Variants in VAPB observed in about 807,000 individuals in gnomAD.
VAPB encodes VAMP associated protein B and C, also known as vesicle-associated membrane protein-associated protein B/C.
Under a neutral mutation model 25.6 loss-of-function variants are expected in VAPB, and 7 were observed. The ratio of observed to expected loss-of-function variants is 0.27; its 90% CI spans 0.16 to 0.51. The LOEUF is 0.51. VAPB is among the 20% of genes least tolerant of loss of function. The pLI is 0.97. For missense variants in VAPB, 266 were observed against 301.3 expected (o/e 0.88, Z 0.87); for synonymous variants, 112 against 109.2 (o/e 1.03, Z -0.16).
intron 5 of VAPB, among the ~76,000 whole-genome samples, chr20:58,441,749 C>T (rs1989167116): frequency 6.6e-6 from 1 of 152,174 alleles, no homozygotes; most frequent in South Asian, 2.1e-4. Context: ...CATTTTTAAA[C>T]CACTTGGGTG....
At chr20:58,427,625 A>G (rs1411223572) in intron 2 of VAPB, among the ~76,000 whole-genome samples, 78 of 151,902 alleles carry the variant, frequency 5.1e-4, no homozygotes, top group Admixed American at 6.6e-4. Context: ...GATGCAGGTG[A>G]AAGTGATCTG....
intron 3 of VAPB, among the ~76,000 whole-genome samples, chr20:58,436,862 A>G (rs1989058173): frequency 6.6e-6 from 1 of 152,138 alleles, no homozygotes; most frequent in Non-Finnish European, 1.5e-5. Context: ...GATACTATTA[A>G]TCATAGCTGA....
At chr20:58,436,251 T>C (rs1338392537) in intron 3 of VAPB, among the ~76,000 whole-genome samples, 1 of 151,878 alleles carries the variant, frequency 6.6e-6, no homozygotes, top group East Asian at 1.9e-4. Flanking sequence ...ATGAAAAAAA[T>C]TTAAAGTGAC....
chr20:58,435,946 G>A (rs541048725), intron 3 of VAPB, among the ~76,000 whole-genome samples: 6 of 152,232 alleles, frequency 3.9e-5, no homozygotes, highest in African/African-American at 1.2e-4. Context: ...GGGTGTTTTC[G>A]AGCTGAGTTC....
In VAPB at chr20:58,447,248, G is replaced by T. The variant is rs1397558115; in HGVS notation, c.*3013G>T. On this transcript the variant is annotated 3_prime_UTR_variant, in exon 6 of 6. Coordinates refer to ENST00000475243, the MANE Select transcript of VAPB (RefSeq NM_004738.5). ...TAAATTGGTAACTTAAGCTTCCTTG[G>T]CACGATACAAAATACCTCTTAAAGA... is the stretch of plus-strand genomic sequence containing the variant. The T allele has an allele frequency of 2.2e-6, 1 of 453,994 alleles. No individual in the cohort carries two copies. The highest frequency in any genetic ancestry group is 2.0e-5 in the African/African-American group (1 of 49,996). 28.1% of individuals were successfully genotyped at this position (453,994 alleles called of 1,614,324 possible).
At chr20:58,408,360 A>T (rs532520380) in intron 1 of VAPB, among the ~76,000 whole-genome samples, 1 of 152,346 alleles carries the variant, frequency 6.6e-6, no homozygotes, top group East Asian at 1.9e-4. Context: ...TGGTTATTTC[A>T]AAATAAGAGC....
intron 5 of VAPB, 121 bp from the exon 6 acceptor site, chr20:58,443,956 C>T (rs915115723): frequency 9.9e-6 from 14 of 1,421,064 alleles, no homozygotes; most frequent in South Asian, 2.4e-5. Context: ...TTGCAAAATG[C>T]GGTTGGACCA....
Position 58,448,177 on chromosome 20 carries a change from C to T in VAPB, c.*3942C>T, listed in dbSNP as rs886056823. On this transcript the variant is annotated 3_prime_UTR_variant, in exon 6 of 6. Transcript: ENST00000475243. ...GAATGGAATTGTATTTAGAAAGGCC[C>T]CTGCAAAGTATATAGATGGATGACT... is the stretch of plus-strand genomic sequence containing the variant. 8.8e-6 allele frequency: 4 copies of T among 453,740 alleles called. No homozygotes were observed. The highest frequency in any genetic ancestry group is 1.8e-5 in the Non-Finnish European group (4 of 226,758). 28.1% of individuals were successfully genotyped at this position (453,740 alleles called of 1,614,324 possible).
In VAPB at chr20:58,448,977, A is replaced by G. The variant is rs1286471034; in HGVS notation, c.*4742A>G. On this transcript the variant is annotated 3_prime_UTR_variant, in exon 6 of 6. Coordinates refer to ENST00000475243, the MANE Select transcript of VAPB (RefSeq NM_004738.5). ...GGCAGTTGATTAAAATTGGTATTAC[A>G]GAAGGGCCCTGCTGAGGTTTGAAAA... is the stretch of plus-strand genomic sequence containing the variant. 6.6e-6 allele frequency: 3 copies of G among 454,032 alleles called. No individual in the cohort carries two copies. Among genetic ancestry groups the G allele is most frequent in the African/African-American group, 4.0e-5 (2 of 50,014 alleles). The allele number at this position is 454,032 out of a possible 1,614,324, so 28.1% of individuals were successfully genotyped here. A position where few individuals can be genotyped will look rare whatever the true frequency, so the allele number is the denominator to read the frequency against.
rs1272877454 is a variant in VAPB, at chr20:58,449,442, GA to G, written c.*5208del. On this transcript the variant is annotated 3_prime_UTR_variant, in exon 6 of 6. Transcript: ENST00000475243. Reference sequence around the variant, plus strand: ...TGTCTTCATGAATATAATTACTTGAGATTTTTTTTTCTTAATGGAATTAGTT... The same window carrying G: ...TGTCTTCATGAATATAATTACTTGAGTTTTTTTTTCTTAATGGAATTAGTT... 7 of 450,416 alleles carry G rather than the reference GA, an allele frequency of 1.6e-5. No individual in the cohort carries two copies. Among genetic ancestry groups the G allele is most frequent in the South Asian group, 9.5e-5 (6 of 63,252 alleles). The allele number at this position is 450,416 out of a possible 1,614,324, so 27.9% of individuals were successfully genotyped here.
At chr20:58,428,603 A>G (rs1988860234) in intron 2 of VAPB, among the ~76,000 whole-genome samples, 1 of 152,182 alleles carries the variant, frequency 6.6e-6, no homozygotes, top group Non-Finnish European at 1.5e-5. Flanking sequence ...TCTGGACAAC[A>G]TAGCAAGACC....
At chr20:58,440,825 G>A in intron 4 of VAPB, 82 bp from the exon 5 acceptor site, 1 of 1,346,244 alleles carries the variant, frequency 7.4e-7, no homozygotes, top group Non-Finnish European at 1.0e-6. Context: ...TTTGGTGTTT[G>A]CTGAGAACTA....
In VAPB at chr20:58,450,723, T is replaced by A. The variant is rs1184717716; in HGVS notation, c.*6488T>A. On this transcript the variant is annotated 3_prime_UTR_variant, in exon 6 of 6. Transcript: ENST00000475243. ...TGTGTTTATAGTCTTCAATGTATGT[T>A]AACATGTTAGGAACTGAGTATCTTA... 2.2e-6 allele frequency: 1 copy of A among 453,850 alleles called. No homozygotes were observed. Among genetic ancestry groups the A allele is most frequent in the East Asian group, 6.9e-5 (1 of 14,402 alleles). The allele number at this position is 453,850 out of a possible 1,614,324, so 28.1% of individuals were successfully genotyped here. A position where few individuals can be genotyped will look rare whatever the true frequency, so the allele number is the denominator to read the frequency against.
chr20:58,421,866 C>A (rs1988676469), intron 2 of VAPB, among the ~76,000 whole-genome samples: 1 of 152,068 alleles, frequency 6.6e-6, no homozygotes, highest in Non-Finnish European at 1.5e-5. Flanking sequence ...TCAGAGAAAC[C>A]CTGTGAAGCT....
chr20:58,393,664 C>T (rs1348115669), intron 1 of VAPB, among the ~76,000 whole-genome samples: 5 of 152,194 alleles, frequency 3.3e-5, no homozygotes, highest in Admixed American at 1.3e-4. Context: ...AGCAATGATA[C>T]TGTCACATGG....
intron 1 of VAPB, among the ~76,000 whole-genome samples, chr20:58,408,693 C>T (rs73915874): frequency 0.016 from 2,474 of 152,048 alleles, 71 homozygotes; most frequent in African/African-American, 0.056. Context: ...TTTTTAATAC[C>T]TTCAACCTGT....
rs567726441 is a variant in VAPB, at chr20:58,405,568, T to C, written c.59-12643T>C. ...ACCTCTGTCTCCCGGGTTCAAGCAATTCTCTTGCCTCAGCCTCCTGAGTAG... is the reference window on the plus strand; with the variant it reads ...ACCTCTGTCTCCCGGGTTCAAGCAACTCTCTTGCCTCAGCCTCCTGAGTAG... On this transcript the variant is annotated intron_variant, in intron 1 of 5. Coordinates refer to ENST00000475243, the MANE Select transcript of VAPB (RefSeq NM_004738.5). Among the ~76,000 whole-genome samples, 4 of 150,588 alleles carry C rather than the reference T, an allele frequency of 2.7e-5. No homozygotes were observed. In the South Asian group the frequency reaches 8.5e-4, roughly 32 times the overall value.
intron 1 of VAPB, among the ~76,000 whole-genome samples, chr20:58,415,287 G>A (rs371252107): frequency 6.6e-6 from 1 of 152,200 alleles, no homozygotes; most frequent in Non-Finnish European, 1.5e-5. Context: ...AGCATGTCAA[G>A]GAATTCATTT....
At chr20:58,395,152 CT>C (rs397865707) in intron 1 of VAPB, among the ~76,000 whole-genome samples, 24,064 of 128,236 alleles carry the variant, frequency 0.19, 1,704 homozygotes, top group African/African-American at 0.25. Flanking sequence ...CCAAAAGTGT[CT>C]TTTTTTTTTT....
Sources: gnomAD v4.1 joint callset for allele counts (sites outside exome capture counted in the v4.1 genomes callset) on GRCh38, gnomAD v4.1.1 for gene constraint, MANE v1.5 for transcripts, NCBI Gene and HGNC (gene_info 2026-07-23, HGNC 2026-07-21) for gene names.